SBF2: variants seen among roughly 807,000 people sequenced by gnomAD.
The protein encoded by SBF2 is myotubularin-related protein 13.
Under a neutral mutation model 225.2 loss-of-function variants are expected in SBF2, and 112 were observed. The observed-to-expected ratio is 0.50, with a 90% CI of 0.43 to 0.58. The LOEUF (loss-of-function observed/expected upper bound fraction) is 0.58, where lower values mean the gene tolerates loss of function less well. SBF2 is among the 20% of genes least tolerant of loss of function. The pLI, the probability that SBF2 is intolerant of heterozygous loss-of-function variation, is 0.00. For missense variants in SBF2, 1,996 were observed against 2,206.2 expected (o/e 0.90, Z 1.91); for synonymous variants, 763 against 773.3 (o/e 0.99, Z 0.22).
chr11:9,968,666 GCCATAAAACATGAAGTACCAAAAT>G, intron 13 of SBF2, 121 bp from the exon 14 acceptor site: 1 of 810,624 alleles, frequency 1.2e-6, no homozygotes, highest in Non-Finnish European at 2.2e-6. Context: ...TCATATATAC[GCCATAAAACATGAAGTACCAAAAT>G]CTTACTTCTT....
At chr11:10,190,371 T>C (rs1957116991) in intron 2 of SBF2, among the ~76,000 whole-genome samples, 1 of 152,318 alleles carries the variant, frequency 6.6e-6, no homozygotes, top group South Asian at 2.1e-4. Flanking sequence ...TTTTCGTGTA[T>C]GCCTAAAAAG....
chr11:10,301,833 C>T (rs1184490891), intron 1 of SBF2, among the ~76,000 whole-genome samples: 1 of 152,100 alleles, frequency 6.6e-6, no homozygotes, highest in African/African-American at 2.4e-5. Context: ...GTTGAAACAC[C>T]ATTACGCAAA....
At chr11:10,290,019 C>G (rs943197619) in intron 1 of SBF2, among the ~76,000 whole-genome samples, 2 of 152,190 alleles carry the variant, frequency 1.3e-5, no homozygotes, top group African/African-American at 2.4e-5. Context: ...CACCACCGCC[C>G]GCACCTCTTC....
intron 2 of SBF2, among the ~76,000 whole-genome samples, chr11:10,059,424 T>A (rs1017605226): frequency 6.6e-6 from 1 of 152,074 alleles, no homozygotes; most frequent in Non-Finnish European, 1.5e-5. Context: ...TAGCAATACA[T>A]AATGATAAAG....
chr11:9,930,514 G>A (rs1864410930), intron 16 of SBF2, among the ~76,000 whole-genome samples: 1 of 152,108 alleles, frequency 6.6e-6, no homozygotes, highest in Admixed American at 6.5e-5. Context: ...CCCTTTTCTT[G>A]TACAAAAGAG....
intron 1 of SBF2, among the ~76,000 whole-genome samples, chr11:10,196,856 A>ATT (rs1294974721): frequency 5.6e-5 from 1 of 17,836 alleles, no homozygotes; most frequent in Non-Finnish European, 1.9e-4. Flanking sequence ...ATATATATAT[A>ATT]TATATATATA....
chr11:10,030,960 A>G (rs1283028208), intron 4 of SBF2, 88 bp downstream of exon 4: 1 of 1,148,904 alleles, frequency 8.7e-7, no homozygotes, highest in African/African-American at 1.5e-5. Context: ...ATCTAACAAT[A>G]TTTTCAATCC....
At chr11:9,851,065 G>C (rs892775525) in intron 21 of SBF2, among the ~76,000 whole-genome samples, 1 of 151,720 alleles carries the variant, frequency 6.6e-6, no homozygotes, top group African/African-American at 2.4e-5. Flanking sequence ...GAACCTGGGA[G>C]GGGGAGGTTG....
intron 17 of SBF2, 120 bp from the exon 18 acceptor site, chr11:9,858,516 T>TTAC: frequency 9.6e-7 from 1 of 1,043,398 alleles, no homozygotes; most frequent in Admixed American, 2.1e-5. Flanking sequence ...GAATATCGTA[T>TTAC]GGTAGTACAG....
At chr11:9,877,245 A>T (rs1859331092) in intron 17 of SBF2, among the ~76,000 whole-genome samples, 1 of 152,214 alleles carries the variant, frequency 6.6e-6, no homozygotes, top group Non-Finnish European at 1.5e-5. Context: ...TTTAAAAAAT[A>T]AATAATACTC....
intron 26 of SBF2, among the ~76,000 whole-genome samples, chr11:9,837,421 T>C (rs1292179053): frequency 6.6e-6 from 1 of 152,262 alleles, no homozygotes; most frequent in Non-Finnish European, 1.5e-5. Context: ...TACTTTGCAT[T>C]TGCAAAATGC....
intron 14 of SBF2, among the ~76,000 whole-genome samples, chr11:9,964,797 G>A (rs1030290731): frequency 6.6e-6 from 1 of 151,978 alleles, no homozygotes; most frequent in Non-Finnish European, 1.5e-5. Flanking sequence ...ATAAATGAAA[G>A]TAGTATTTAT....
At chr11:9,998,052 A>G (rs1165290406) in intron 9 of SBF2, among the ~76,000 whole-genome samples, 1 of 152,230 alleles carries the variant, frequency 6.6e-6, no homozygotes, top group African/African-American at 2.4e-5. Context: ...GGAATGTAGA[A>G]CAAATATTCA....
intron 2 of SBF2, among the ~76,000 whole-genome samples, chr11:10,127,752 A>G (rs1953827887): frequency 6.6e-6 from 1 of 152,138 alleles, no homozygotes; most frequent in Non-Finnish European, 1.5e-5. Context: ...CTTCTTTTAT[A>G]TCCCTATATG....
intron 28 of SBF2, among the ~76,000 whole-genome samples, chr11:9,825,439 A>T (rs1414172857): frequency 6.6e-6 from 1 of 152,148 alleles, no homozygotes; most frequent in East Asian, 1.9e-4. Context: ...TAAGCCACCC[A>T]ATTTGTGGCA....
intron 6 of SBF2, among the ~76,000 whole-genome samples, chr11:10,014,496 C>A: frequency 1.8e-5 from 2 of 108,156 alleles, no homozygotes. Flanking sequence ...TTGTTTCAGC[C>A]ATTTCAACTA....
intron 1 of SBF2, among the ~76,000 whole-genome samples, chr11:10,235,694 T>C (rs953964322): frequency 2.6e-5 from 4 of 152,236 alleles, no homozygotes; most frequent in Admixed American, 2.6e-4. Context: ...TGACTATCAC[T>C]GACCAGATCC....
chr11:9,943,229 A>G (rs1226896034), intron 16 of SBF2, among the ~76,000 whole-genome samples: 1 of 152,216 alleles, frequency 6.6e-6, no homozygotes, highest in Non-Finnish European at 1.5e-5. Flanking sequence ...CACAAAAATC[A>G]ATTTCAGATA....
At chr11:10,226,930 C>T (rs995210462) in intron 1 of SBF2, among the ~76,000 whole-genome samples, 12 of 152,204 alleles carry the variant, frequency 7.9e-5, no homozygotes, top group African/African-American at 2.9e-4. Context: ...AACTAGTTTA[C>T]AGTCCCACCA....
Sources: gnomAD v4.1 joint callset for allele counts (sites outside exome capture counted in the v4.1 genomes callset) on GRCh38, gnomAD v4.1.1 for gene constraint, MANE v1.5 for transcripts, NCBI Gene and HGNC (gene_info 2026-07-23, HGNC 2026-07-21) for gene names.